The following FIP1L1 variants were observed in gnomAD, a reference collection of about 807,000 sequenced individuals.
The protein encoded by FIP1L1 is pre-mRNA 3'-end-processing factor FIP1.
In FIP1L1, 21 loss-of-function variants were observed where a neutral mutation model predicts 84.6. That is an observed-to-expected ratio of 0.25 (90% confidence interval 0.18 to 0.36). The LOEUF is 0.36. Ranked by LOEUF, FIP1L1 falls within the 10% of genes least tolerant of loss-of-function variation. FIP1L1 has a pLI of 1.00. For missense variants in FIP1L1, 526 were observed against 751.1 expected (o/e 0.70, Z 3.50); for synonymous variants, 263 against 242.3 (o/e 1.09, Z -0.80).
chr4:53,393,497 GACA>G (rs1745408104), intron 9 of FIP1L1, among the ~76,000 whole-genome samples: 1 of 152,002 alleles, frequency 6.6e-6, no homozygotes, highest in African/African-American at 2.4e-5. Context: ...ACAGTGTTTT[GACA>G]TTCTTGAGGT....
Position 53,391,165 on chromosome 4 carries a change from C to G in FIP1L1, c.636+26C>G, listed in dbSNP as rs185798268. ...GTAATTAATAAATACTCCGGAATAC[C>G]CTTGGCTTGTCTACCGTCCCACTTT... On this transcript the variant is annotated intron_variant, in intron 8 of 17. Transcript: ENST00000337488. The G allele has an allele frequency of 1.7e-5, 27 of 1,581,028 alleles. No individual in the cohort carries two copies. In the Admixed American group the frequency reaches 2.5e-4, roughly 15 times the overall value.
rs938282520 is a variant in FIP1L1, at chr4:53,426,582, A to G, written c.1017+617A>G. On this transcript the variant is annotated intron_variant, in intron 12 of 17. Transcript: ENST00000337488. ...TATATAGGTTTACTGAATGAAAAATAAAAGACCACCAGTGATTTTACCACC... is the reference window on the plus strand; with the variant it reads ...TATATAGGTTTACTGAATGAAAAATGAAAGACCACCAGTGATTTTACCACC... Among the ~76,000 whole-genome samples, 49 of 152,282 alleles carry G rather than the reference A, an allele frequency of 3.2e-4. 1 individual carries two copies. Among genetic ancestry groups the G allele is most frequent in the Admixed American group, 2.8e-3 (43 of 15,288 alleles).
chr4:53,452,825 T>C, intron 15 of FIP1L1, 95 bp from the exon 16 acceptor site: 4 of 854,134 alleles, frequency 4.7e-6, no homozygotes, highest in Non-Finnish European at 7.5e-6. Context: ...ATTTATAAAA[T>C]GAATTTCTAT....
chr4:53,429,465 T>G lies in FIP1L1; in HGVS notation c.1174+1282T>G, dbSNP rs75161824. On this transcript the variant is annotated intron_variant, in intron 13 of 17. Transcript: ENST00000337488. ...GACTTAGGTGATTCAAAATGAGGACTTCTGTGATTTCTATGTGAATCCTTT... is the reference window on the plus strand; with the variant it reads ...GACTTAGGTGATTCAAAATGAGGACGTCTGTGATTTCTATGTGAATCCTTT... Among the ~76,000 whole-genome samples, 78 of 152,316 alleles carry G rather than the reference T, an allele frequency of 5.1e-4. 1 individual carries two copies. In the East Asian group the frequency reaches 0.013, roughly 26 times the overall value.
intron 11 of FIP1L1, among the ~76,000 whole-genome samples, chr4:53,423,939 A>G (rs1763373526): frequency 6.6e-6 from 1 of 152,200 alleles, no homozygotes; most frequent in Admixed American, 6.5e-5. Flanking sequence ...GATCCTCAGA[A>G]ATAAATGGTA....
intron 13 of FIP1L1, among the ~76,000 whole-genome samples, chr4:53,430,586 C>G (rs1460752158): frequency 2.0e-5 from 3 of 152,018 alleles, no homozygotes; most frequent in Non-Finnish European, 4.4e-5. Context: ...ATCTGCCCTC[C>G]TCGGCCTCCC....
chr4:53,413,595 A>G (rs1324465387), intron 10 of FIP1L1, among the ~76,000 whole-genome samples: 1 of 151,848 alleles, frequency 6.6e-6, no homozygotes, highest in Non-Finnish European at 1.5e-5. Context: ...CAGAACTTTT[A>G]CTGTTATAAG....
chr4:53,421,210 T>C (rs532923205), intron 11 of FIP1L1, among the ~76,000 whole-genome samples: 57 of 152,342 alleles, frequency 3.7e-4, no homozygotes, highest in African/African-American at 1.4e-3. Context: ...TGGGAGCTGA[T>C]ATTTGTATAG....
At chr4:53,432,769 A>T (rs1376648599) in intron 13 of FIP1L1, among the ~76,000 whole-genome samples, 4 of 152,344 alleles carry the variant, frequency 2.6e-5, no homozygotes, top group African/African-American at 9.6e-5. Flanking sequence ...TAACCCAGGC[A>T]GTTTTGCTTG....
intron 13 of FIP1L1, among the ~76,000 whole-genome samples, chr4:53,440,071 G>A (rs1771235990): frequency 6.6e-6 from 1 of 151,906 alleles, no homozygotes; most frequent in African/African-American, 2.4e-5. Context: ...GGAAATGTTA[G>A]CCTTTTCTCA....
intron 13 of FIP1L1, among the ~76,000 whole-genome samples, chr4:53,434,699 C>T (rs1768306617): frequency 6.6e-6 from 1 of 152,122 alleles, no homozygotes; most frequent in African/African-American, 2.4e-5. Flanking sequence ...AACTCCTGAC[C>T]TCAAGTGATC....
At chr4:53,408,352 G>C (rs1481084158) in intron 10 of FIP1L1, among the ~76,000 whole-genome samples, 1 of 152,172 alleles carries the variant, frequency 6.6e-6, no homozygotes, top group Non-Finnish European at 1.5e-5. Context: ...TAGAGTTTCT[G>C]CGGAGAGATC....
chr4:53,433,016 G>A (rs537777978), intron 13 of FIP1L1, among the ~76,000 whole-genome samples: 17 of 152,240 alleles, frequency 1.1e-4, no homozygotes, highest in South Asian at 1.0e-3. Flanking sequence ...CCTGGCTTGT[G>A]TTAAGAAGTC....
intron 15 of FIP1L1, among the ~76,000 whole-genome samples, chr4:53,450,953 T>C (rs1715473869): frequency 6.6e-6 from 1 of 151,684 alleles, no homozygotes; most frequent in African/African-American, 2.4e-5. Flanking sequence ...GTGTCATTAA[T>C]AAAGCTACTC....
intron 13 of FIP1L1, among the ~76,000 whole-genome samples, chr4:53,429,459 G>A (rs1765641161): frequency 6.6e-6 from 1 of 152,132 alleles, no homozygotes; most frequent in Non-Finnish European, 1.5e-5. Context: ...GATTCAAAAT[G>A]AGGACTTCTG....
chr4:53,440,236 A>G (rs1458257943), intron 13 of FIP1L1, among the ~76,000 whole-genome samples: 1 of 152,072 alleles, frequency 6.6e-6, no homozygotes, highest in African/African-American at 2.4e-5. Flanking sequence ...TTAAAATGTT[A>G]AAATAACAAC....
intron 16 of FIP1L1, 24 bp downstream of exon 16, chr4:53,453,157 A>AT: frequency 6.2e-7 from 1 of 1,609,354 alleles, no homozygotes; most frequent in Non-Finnish European, 8.5e-7. Flanking sequence ...GCAGGAGTTT[A>AT]TACTATGTAT....
intron 10 of FIP1L1, among the ~76,000 whole-genome samples, chr4:53,402,430 T>C (rs1750757772): frequency 6.6e-6 from 1 of 152,122 alleles, no homozygotes; most frequent in Non-Finnish European, 1.5e-5. Flanking sequence ...GGCTGGGCAC[T>C]GTAGCTCATG....
chr4:53,419,826 AAAT>A (rs1761374922), intron 11 of FIP1L1, among the ~76,000 whole-genome samples: 1 of 152,134 alleles, frequency 6.6e-6, no homozygotes, highest in South Asian at 2.1e-4. Flanking sequence ...CTTGAAAGAT[AAAT>A]CAGCCAGGCG....
Sources: gnomAD v4.1 joint callset for allele counts (sites outside exome capture counted in the v4.1 genomes callset) on GRCh38, gnomAD v4.1.1 for gene constraint, MANE v1.5 for transcripts, NCBI Gene and HGNC (gene_info 2026-07-23, HGNC 2026-07-21) for gene names.